Variants in GALNT18 observed in about 807,000 individuals in gnomAD.
The protein encoded by GALNT18 is GalNAc-transferase 18.
GALNT18 carries 44 observed loss-of-function variants against 69.5 expected under a neutral mutation model. The ratio of observed to expected loss-of-function variants is 0.63; its 90% CI spans 0.50 to 0.81. GALNT18 has a LOEUF of 0.81. GALNT18 is among the 40% of genes least tolerant of loss of function. GALNT18 has a pLI of 0.00. For missense variants in GALNT18, 715 were observed against 810.0 expected (o/e 0.88, Z 1.42); for synonymous variants, 364 against 318.2 (o/e 1.14, Z -1.53).
chr11:11,591,039 A>G lies in GALNT18; in HGVS notation c.235+30320T>C, dbSNP rs115282486. ...AGGTAGGTCCTTCCTGAGATATTCC[A>G]GAAGAAGGCATTATCATCATAGCAG... On this transcript the variant is annotated intron_variant, in intron 1 of 10. Transcript: ENST00000227756. This position sits in a 1 kb window ranked among gnomAD's most constrained non-coding sequence, Gnocchi z 4.8. Among the ~76,000 whole-genome samples, 741 of 152,254 alleles carry G rather than the reference A, an allele frequency of 4.9e-3. 2 individuals are homozygous for G. Among genetic ancestry groups the G allele is most frequent in the African/African-American group, 0.017 (714 of 41,520 alleles).
chr11:11,466,300 A>C (rs1856154881), intron 1 of GALNT18, among the ~76,000 whole-genome samples: 1 of 152,240 alleles, frequency 6.6e-6, no homozygotes, highest in Non-Finnish European at 1.5e-5. Context: ...GTGAATATTG[A>C]AATCCCTACC....
At chr11:11,407,208 G>A (rs1453013466) in intron 3 of GALNT18, among the ~76,000 whole-genome samples, 1 of 152,222 alleles carries the variant, frequency 6.6e-6, no homozygotes, top group African/African-American at 2.4e-5. Flanking sequence ...AGTGCCTGAG[G>A]ATGGCTGTGG....
chr11:11,418,118 A>G (rs1178337650), intron 3 of GALNT18, among the ~76,000 whole-genome samples: 1 of 152,094 alleles, frequency 6.6e-6, no homozygotes, highest in East Asian at 1.9e-4. Context: ...TTCCCCTATG[A>G]CTTTGAAAAC....
At chr11:11,569,295 T>C (rs189897488) in intron 1 of GALNT18, among the ~76,000 whole-genome samples, 18 of 149,198 alleles carry the variant, frequency 1.2e-4, no homozygotes, top group African/African-American at 4.4e-4. Flanking sequence ...GGAAGTGAGC[T>C]CAATGTTTTA....
In GALNT18 at chr11:11,348,410, G is replaced by T. The variant is rs138270409; in HGVS notation, c.1093-7406C>A. 1.2e-4 allele frequency among the ~76,000 whole-genome samples: 18 copies of T among 149,562 alleles called. No homozygotes were observed. The East Asian group carries it at 3.1e-3, about 26-fold the overall frequency. Reference sequence around the variant, plus strand: ...AAAAAAAAAAAAAAAAAAAGGAAGAGAGGTCAAATCTGGACAAGGCCAACA... The same window carrying T: ...AAAAAAAAAAAAAAAAAAAGGAAGATAGGTCAAATCTGGACAAGGCCAACA... On this transcript the variant is annotated intron_variant, in intron 6 of 10. Transcript: ENST00000227756.
At chr11:11,504,449 A>AT (rs1564982913) in intron 1 of GALNT18, among the ~76,000 whole-genome samples, 2 of 151,238 alleles carry the variant, frequency 1.3e-5, no homozygotes. Context: ...GAAAAAAAAA[A>AT]CTTGATCACA....
chr11:11,297,948 G>A (rs571554789), intron 9 of GALNT18, among the ~76,000 whole-genome samples: 18 of 152,194 alleles, frequency 1.2e-4, no homozygotes, highest in Non-Finnish European at 1.6e-4. Context: ...TGGATCTTAC[G>A]CTAGTGGCAT....
chr11:11,423,005 G>GCA (rs1262732363), intron 3 of GALNT18, among the ~76,000 whole-genome samples: 3 of 152,192 alleles, frequency 2.0e-5, no homozygotes, highest in Non-Finnish European at 4.4e-5. Flanking sequence ...GTTCACACAA[G>GCA]CACACACAAG....
chr11:11,408,668 C>T (rs534502859), intron 3 of GALNT18, among the ~76,000 whole-genome samples: 9 of 152,298 alleles, frequency 5.9e-5, no homozygotes, highest in South Asian at 2.1e-4. Flanking sequence ...ACACCTGCAT[C>T]GTAGGCAGGA....
intron 1 of GALNT18, among the ~76,000 whole-genome samples, chr11:11,457,054 C>T (rs563094931): frequency 2.6e-5 from 4 of 152,224 alleles, no homozygotes; most frequent in Non-Finnish European, 5.9e-5. Flanking sequence ...AAGAGGAGCA[C>T]ATCTGGAGGC....
chr11:11,288,926 C>A (rs1226626288), intron 10 of GALNT18, among the ~76,000 whole-genome samples: 2 of 152,056 alleles, frequency 1.3e-5, no homozygotes, highest in Non-Finnish European at 2.9e-5. Flanking sequence ...GTCTGTGGAG[C>A]TTAAATGTGG....
chr11:11,609,734 C>T (rs1445651422), intron 1 of GALNT18, among the ~76,000 whole-genome samples: 1 of 152,196 alleles, frequency 6.6e-6, no homozygotes, highest in Non-Finnish European at 1.5e-5. Flanking sequence ...TAAACAATGC[C>T]AGCCTTGGTG....
chr11:11,507,423 C>T (rs528220178), intron 1 of GALNT18, among the ~76,000 whole-genome samples: 5 of 152,060 alleles, frequency 3.3e-5, no homozygotes, highest in African/African-American at 1.2e-4. Flanking sequence ...TTTTATTTTT[C>T]CTCCTCCTTC....
intron 1 of GALNT18, among the ~76,000 whole-genome samples, chr11:11,464,101 T>C (rs900416274): frequency 6.6e-6 from 1 of 152,204 alleles, no homozygotes; most frequent in African/African-American, 2.4e-5. Flanking sequence ...AGCTTATCTA[T>C]CTCTGTCAGC....
chr11:11,275,071 C>G lies in GALNT18; in HGVS notation c.1678-3781G>C, dbSNP rs139188752. On this transcript the variant is annotated intron_variant, in intron 10 of 10. Coordinates refer to ENST00000227756, the MANE Select transcript of GALNT18 (RefSeq NM_198516.3). ...TTGGGTACATACCCAGTGATGGGAC[C>G]GCTAGGTCAAATAGTATTTCTAGTT... Among the ~76,000 whole-genome samples the G allele has an allele frequency of 3.3e-5, 5 of 152,264 alleles. No homozygotes were observed. The South Asian group carries it at 1.0e-3, about 32-fold the overall frequency.
At chr11:11,486,084 T>C (rs1406481089) in intron 1 of GALNT18, among the ~76,000 whole-genome samples, 1 of 152,134 alleles carries the variant, frequency 6.6e-6, no homozygotes. Flanking sequence ...TGCGTGGGAA[T>C]CTACAAGAAG....
At chr11:11,319,236 C>T (rs952320492) in intron 9 of GALNT18, among the ~76,000 whole-genome samples, 13 of 152,208 alleles carry the variant, frequency 8.5e-5, no homozygotes, top group African/African-American at 3.1e-4. Flanking sequence ...CTTCACCATT[C>T]TTGGCCATTG....
Position 11,564,822 on chromosome 11 carries a change from A to G in GALNT18, c.235+56537T>C, listed in dbSNP as rs1237054184. ...AATTAAATATGTTAATTACAATTAA[A>G]TAAGTCAAACTAGCTACATTTCAAG... On this transcript the variant is annotated intron_variant, in intron 1 of 10. Transcript: ENST00000227756. The surrounding 1 kb of genome is among the most constrained non-coding windows in gnomAD (Gnocchi z 4.3). Among the ~76,000 whole-genome samples, 1 of 152,214 alleles carries G rather than the reference A, an allele frequency of 6.6e-6. No homozygotes were observed. Among genetic ancestry groups the G allele is most frequent in the African/African-American group, 2.4e-5 (1 of 41,450 alleles).
chr11:11,290,655 CTTAACATTCATTCCCAA>C (rs1227484321), intron 10 of GALNT18, among the ~76,000 whole-genome samples: 3 of 152,204 alleles, frequency 2.0e-5, no homozygotes, highest in Non-Finnish European at 4.4e-5. Context: ...CTCCCAGGTT[CTTAACATTCATTCCCAA>C]TTAAGTACAT....
Sources: allele counts gnomAD v4.1 joint callset (sites outside exome capture counted in the v4.1 genomes callset), GRCh38; gene constraint gnomAD v4.1.1; non-coding constraint Gnocchi (gnomAD v3.1); transcripts MANE v1.5; gene names NCBI Gene and HGNC (gene_info 2026-07-23, HGNC 2026-07-21).